The following GTF3C1 variants were observed in gnomAD, a reference collection of about 807,000 sequenced individuals.
GTF3C1 encodes the protein general transcription factor IIIC subunit 1, also known as general transcription factor 3C polypeptide 1.
Under a neutral mutation model 226.7 loss-of-function variants are expected in GTF3C1, and 57 were observed. The observed-to-expected ratio is 0.25, with a 90% CI of 0.20 to 0.31. The LOEUF (loss-of-function observed/expected upper bound fraction) is 0.31. Among genes scored for constraint, GTF3C1 ranks in the 10% least tolerant of loss-of-function variants. The pLI is 1.00. For missense variants in GTF3C1, 2,217 were observed against 2,776.1 expected, an observed-to-expected ratio of 0.80 and a Z score of 4.53; for synonymous variants, 1,090 against 1,084.8, an observed-to-expected ratio of 1.00 and a Z score of -0.09.
intron 29 of GTF3C1, among the ~76,000 whole-genome samples, chr16:27,474,194 G>A (rs1043063292): frequency 6.6e-6 from 1 of 152,198 alleles, no homozygotes; most frequent in Non-Finnish European, 1.5e-5. Flanking sequence ...CTAAAGAAGT[G>A]TCCTGTTTCC....
At chr16:27,473,989 A>G (rs1043914370) in intron 29 of GTF3C1, among the ~76,000 whole-genome samples, 2 of 152,190 alleles carry the variant, frequency 1.3e-5, no homozygotes, top group African/African-American at 4.8e-5. Flanking sequence ...ACAGGATAGG[A>G]GCGCTCAGGC....
chr16:27,466,843 T>C (rs889866233), intron 32 of GTF3C1, among the ~76,000 whole-genome samples: 2 of 152,240 alleles, frequency 1.3e-5, no homozygotes, highest in Non-Finnish European at 2.9e-5. Context: ...AACCTTCCCT[T>C]AAGCCAAAGC....
intron 6 of GTF3C1, among the ~76,000 whole-genome samples, chr16:27,515,475 A>C (rs2088643463): frequency 6.6e-6 from 1 of 151,804 alleles, no homozygotes; most frequent in Admixed American, 6.6e-5. Flanking sequence ...CAAAAAAAAA[A>C]AACAAAAAAA....
intron 3 of GTF3C1, 95 bp from the exon 4 acceptor site, chr16:27,538,022 C>T: frequency 2.1e-6 from 3 of 1,420,894 alleles, no homozygotes; most frequent in Non-Finnish European, 1.9e-6. Context: ...AGACACAAAC[C>T]TCCTGTCCAG....
chr16:27,535,616 CTG>C (rs934562182), intron 4 of GTF3C1, among the ~76,000 whole-genome samples: 1 of 151,026 alleles, frequency 6.6e-6, no homozygotes, highest in Non-Finnish European at 1.5e-5. Context: ...CATCTCATCT[CTG>C]TGTGAGTAGT....
intron 26 of GTF3C1, among the ~76,000 whole-genome samples, chr16:27,482,804 G>C (rs1473518508): frequency 1.3e-5 from 2 of 152,198 alleles, no homozygotes. Flanking sequence ...ACAGGCCCAA[G>C]GCACAGCAGC....
chr16:27,501,062 G>C, intron 12 of GTF3C1, 129 bp downstream of exon 12: 1 of 732,642 alleles, frequency 1.4e-6, no homozygotes, highest in Admixed American at 2.6e-5. Flanking sequence ...CAAATCAGGA[G>C]GCATAATGGG....
intron 6 of GTF3C1, among the ~76,000 whole-genome samples, chr16:27,521,937 AT>A (rs1163646830): frequency 1.3e-5 from 2 of 151,074 alleles, no homozygotes; most frequent in African/African-American, 4.9e-5. Flanking sequence ...CTTTGTATTT[AT>A]TTGTTGCATT....
chr16:27,471,695 A>G lies in GTF3C1; in HGVS notation c.4526+53T>C. The G allele has an allele frequency of 2.1e-6, 3 of 1,414,504 alleles. No homozygotes were observed. In the South Asian group the frequency reaches 3.5e-5, roughly 17 times the overall value. The allele number at this position is 1,414,504 out of a possible 1,614,324, so 87.6% of individuals were successfully genotyped here. A position where few individuals can be genotyped will look rare whatever the true frequency, so the allele number is the denominator to read the frequency against. On this transcript the variant is annotated intron_variant, in intron 30 of 36. Coordinates refer to ENST00000356183, the MANE Select transcript of GTF3C1 (RefSeq NM_001520.4). This position sits in a 1 kb window ranked among gnomAD's most constrained non-coding sequence, Gnocchi z 5.0. The stretch of plus-strand genomic sequence containing the variant: ...CAGTGCTTCCTTTGCTCCTCTTTAC[A>G]GACAGGGCGTGGCTCCACCTCGGAG...
At position 27,470,164 on chromosome 16, in the gene GTF3C1, G is replaced by A. The variant is rs200906444; in HGVS notation, c.4758C>T (p.Ile1586=). 6.8e-6 allele frequency: 11 copies of A among 1,613,958 alleles called. No individual in the cohort carries two copies. The African/African-American group carries it at 1.3e-4, about 20-fold the overall frequency. ...TGTCTACCACGATGATCTGCTCCGG[G>A]ATCCTGACATCCACAGAAATGAGGC... ...SLGLISVDVR[I]PEQIIVVDSS... is the part of the protein sequence containing the mutation. The change falls in exon 31 of 37, where the codon ATC becomes ATT. Residue 1586 remains isoleucine, a synonymous_variant. Transcript: ENST00000356183. This position sits in a 1 kb window ranked among gnomAD's most constrained non-coding sequence, Gnocchi z 4.9.
At chr16:27,516,178 C>T (rs565149447) in intron 6 of GTF3C1, among the ~76,000 whole-genome samples, 4 of 152,350 alleles carry the variant, frequency 2.6e-5, no homozygotes, top group Admixed American at 1.3e-4. Context: ...CCTCTGGTCA[C>T]GATGGCTTGA....
At chr16:27,509,311 T>C (rs1044340074) in intron 7 of GTF3C1, among the ~76,000 whole-genome samples, 1 of 152,150 alleles carries the variant, frequency 6.6e-6, no homozygotes, top group Admixed American at 6.5e-5. Context: ...TATCTGCCGC[T>C]CAGAGGCCCT....
rs756083312 is a variant in GTF3C1, at chr16:27,506,021, T to C, written c.1648A>G (p.Arg550Gly). 3.1e-6 allele frequency: 5 copies of C among 1,613,442 alleles called. No individual in the cohort carries two copies. In the African/African-American group the frequency reaches 6.7e-5, roughly 22 times the overall value. Residue 550 changes from arginine to glycine, a missense_variant, in exon 10 of 37, where the codon AGG (arginine) becomes GGG (glycine). By Grantham distance (125) the Arg-to-Gly change is moderately radical. Around this residue, in one of 12 missense-constraint regions of GTF3C1, gnomAD observed 173 missense variants for 207.2 expected, o/e 0.83. Coordinates refer to ENST00000356183, the MANE Select transcript of GTF3C1 (RefSeq NM_001520.4). ...CTGCTGGTATCTAAGAGGCTGTCCC[T>C]GCTGGCAAGGCTCTGGCAGGCTCTC... ...EERACQSLAS[R>G]DSLLDTSSVS... is the part of the protein sequence containing the mutation.
In GTF3C1 at chr16:27,511,942, C is replaced by T. The variant is rs370878785; in HGVS notation, c.974-41G>A. On this transcript the variant is annotated intron_variant, in intron 6 of 36. Coordinates refer to ENST00000356183, the MANE Select transcript of GTF3C1 (RefSeq NM_001520.4). Reference sequence around the variant, plus strand: ...CGGGTTTGCCAGCAATGAGTGAAAGCAGTGCTGCGTGGGGGAGGTGAGGGG... The same window carrying T: ...CGGGTTTGCCAGCAATGAGTGAAAGTAGTGCTGCGTGGGGGAGGTGAGGGG... The T allele has an allele frequency of 5.6e-6, 9 of 1,609,810 alleles. No homozygotes were observed. In the African/African-American group the frequency reaches 1.1e-4, roughly 19 times the overall value.
chr16:27,491,390 C>T (rs2088230697), intron 19 of GTF3C1, among the ~76,000 whole-genome samples: 1 of 152,140 alleles, frequency 6.6e-6, no homozygotes, highest in South Asian at 2.1e-4. Context: ...TTCCGTAGAC[C>T]CTCCATGCAT....
chr16:27,521,865 T>G (rs1259408223), intron 6 of GTF3C1, among the ~76,000 whole-genome samples: 1 of 152,292 alleles, frequency 6.6e-6, no homozygotes, highest in East Asian at 1.9e-4. Flanking sequence ...TTTTATCCTT[T>G]TTGTTTTTCT....
chr16:27,476,351 C>A, intron 29 of GTF3C1, 100 bp downstream of exon 29: 1 of 708,294 alleles, frequency 1.4e-6, no homozygotes. Context: ...GGGAATCAGC[C>A]CAAGAGCCCA....
At chr16:27,540,096 A>G (rs893681254) in intron 2 of GTF3C1, among the ~76,000 whole-genome samples, 4 of 151,932 alleles carry the variant, frequency 2.6e-5, no homozygotes, top group African/African-American at 9.7e-5. Flanking sequence ...ACACCACTCA[A>G]CTCAGTCTGA....
At chr16:27,489,556 C>T (rs2088200162) in intron 20 of GTF3C1, 46 bp downstream of exon 20, 1 of 1,489,996 alleles carries the variant, frequency 6.7e-7, no homozygotes, top group Non-Finnish European at 9.1e-7. Flanking sequence ...AAATGAGCAC[C>T]ACCGCAGCCC....
Sources: gnomAD v4.1 joint callset for allele counts (sites outside exome capture counted in the v4.1 genomes callset) on GRCh38, gnomAD v4.1.1 for gene constraint, gnomAD v4.1.1 regional missense constraint, Gnocchi (gnomAD v3.1) non-coding constraint, MANE v1.5 for transcripts, NCBI Gene and HGNC (gene_info 2026-07-23, HGNC 2026-07-21) for gene names.